The following BOLL variants were observed in gnomAD, a reference collection of about 807,000 sequenced individuals.
The protein encoded by BOLL is protein boule-like.
In BOLL, 23 loss-of-function variants were observed where a neutral mutation model predicts 44.4. That is an observed-to-expected ratio of 0.52 (90% CI 0.37 to 0.73). The LOEUF (loss-of-function observed/expected upper bound fraction) is 0.73. BOLL is among the 30% of genes least tolerant of loss of function. The probability of loss-of-function intolerance (pLI) is 0.00; values close to 1 mark genes in which losing one functional copy is unlikely to be tolerated. For synonymous variants in BOLL, 97 were observed against 110.8 expected (o/e 0.88, Z 0.78); for missense variants, 287 against 338.3 (o/e 0.85, Z 1.19).
intron 9 of BOLL, among the ~76,000 whole-genome samples, chr2:197,745,752 A>G (rs1687960187): frequency 6.6e-6 from 1 of 152,240 alleles, no homozygotes; most frequent in Non-Finnish European, 1.5e-5. Flanking sequence ...AAGTTGGACG[A>G]ACATAAGGGA....
At chr2:197,778,501 T>C (rs1035505091) in intron 3 of BOLL, among the ~76,000 whole-genome samples, 1 of 151,896 alleles carries the variant, frequency 6.6e-6, no homozygotes, top group Non-Finnish European at 1.5e-5. Context: ...TTATCATTGA[T>C]ATAGCAATTA....
chr2:197,765,633 A>C lies in BOLL; in HGVS notation c.552+899T>G, dbSNP rs115209931. 6.1e-3 allele frequency among the ~76,000 whole-genome samples: 921 copies of C among 152,078 alleles called. 16 individuals are homozygous for C. Among genetic ancestry groups the C allele is most frequent in the African/African-American group, 0.021 (861 of 41,530 alleles). ...TCAATGAAAAAAAATTAAAAAAAAAACACTACCAAGGATTAACTATCTCTT... is the reference window on the plus strand; with the variant it reads ...TCAATGAAAAAAAATTAAAAAAAAACCACTACCAAGGATTAACTATCTCTT... On this transcript the variant is annotated intron_variant, in intron 7 of 10. Transcript: ENST00000392296.
At chr2:197,779,395 G>T (rs1452791024) in intron 2 of BOLL, among the ~76,000 whole-genome samples, 3 of 151,988 alleles carry the variant, frequency 2.0e-5, no homozygotes, top group Non-Finnish European at 4.4e-5. Flanking sequence ...GATTAGGAAT[G>T]CTATTTCCAT....
intron 10 of BOLL, among the ~76,000 whole-genome samples, chr2:197,736,730 G>A (rs905147203): frequency 6.6e-6 from 1 of 152,092 alleles, no homozygotes; most frequent in African/African-American, 2.4e-5. Flanking sequence ...CTTGAGGCAT[G>A]ATGAATCCTT....
chr2:197,782,237 G>C (rs971493714), intron 1 of BOLL, among the ~76,000 whole-genome samples: 4 of 152,250 alleles, frequency 2.6e-5, no homozygotes, highest in African/African-American at 9.6e-5. Context: ...TTAGGAGTTG[G>C]CCTGGCACTC....
At chr2:197,778,833 A>ACACACACACAC in intron 3 of BOLL, 142 bp downstream of exon 3, 1 of 597,058 alleles carries the variant, frequency 1.7e-6, no homozygotes. Flanking sequence ...CACACACACA[A>ACACACACACAC]GGAAATCAAA....
chr2:197,780,253 T>G (rs1689705947), intron 2 of BOLL, among the ~76,000 whole-genome samples: 1 of 152,012 alleles, frequency 6.6e-6, no homozygotes, highest in South Asian at 2.1e-4. Context: ...AAATGAAAGG[T>G]TAAAAAGTCT....
At position 197,740,531 on chromosome 2, in the gene BOLL, C is replaced by T. The variant is rs544964086; in HGVS notation, c.828+2530G>A. Among the ~76,000 whole-genome samples the T allele has an allele frequency of 2.0e-5, 3 of 152,190 alleles. No individual in the cohort carries two copies. The South Asian group carries it at 6.2e-4, about 32-fold the overall frequency. On this transcript the variant is annotated intron_variant, in intron 10 of 10. Transcript: ENST00000392296. The stretch of plus-strand genomic sequence containing the variant: ...ACATGGGTATAACTGGATTATCATT[C>T]TTTGGCCTGAATCTGACTAAGGAGG...
chr2:197,760,815 G>A (rs897926148), intron 7 of BOLL, among the ~76,000 whole-genome samples: 2 of 151,938 alleles, frequency 1.3e-5, no homozygotes, highest in African/African-American at 4.8e-5. Flanking sequence ...AAGTCAAAGA[G>A]AAAGAAAGAA....
chr2:197,728,552 G>A lies in BOLL; in HGVS notation c.*3C>T, dbSNP rs201248479. On this transcript the variant is annotated 3_prime_UTR_variant, in exon 11 of 11. Coordinates refer to ENST00000392296, the MANE Select transcript of BOLL (RefSeq NM_033030.6). ...TGAGCTGGAATAGAGCTGCCCAATT[G>A]TCTTAATAATGAATGCTCCACACTG... The A allele has an allele frequency of 6.2e-7, 1 of 1,613,280 alleles. No homozygotes were observed.
intron 3 of BOLL, among the ~76,000 whole-genome samples, chr2:197,777,408 T>C (rs1244207019): frequency 6.6e-6 from 1 of 151,794 alleles, no homozygotes; most frequent in Non-Finnish European, 1.5e-5. Context: ...AAATTGGGGA[T>C]GCAATAAATT....
At chr2:197,742,555 A>G (rs1687795166) in intron 10 of BOLL, among the ~76,000 whole-genome samples, 1 of 152,122 alleles carries the variant, frequency 6.6e-6, no homozygotes, top group South Asian at 2.1e-4. Flanking sequence ...TCAGCAAACT[A>G]TTGCAAGGAC....
At chr2:197,778,494 T>C (rs981386278) in intron 3 of BOLL, among the ~76,000 whole-genome samples, 2 of 151,892 alleles carry the variant, frequency 1.3e-5, no homozygotes, top group African/African-American at 4.8e-5. Context: ...ATTTTCATTA[T>C]CATTGATATA....
At position 197,746,289 on chromosome 2, in the gene BOLL, C is replaced by T. The variant is rs563776428; in HGVS notation, c.730-3130G>A. Among the ~76,000 whole-genome samples, 5 of 152,238 alleles carry T rather than the reference C, an allele frequency of 3.3e-5. No homozygotes were observed. The South Asian group carries it at 8.3e-4, about 25-fold the overall frequency. On this transcript the variant is annotated intron_variant, in intron 9 of 10. Coordinates refer to ENST00000392296, the MANE Select transcript of BOLL (RefSeq NM_033030.6). ...ATCATGTGATCTAGAAATCCCACTA[C>T]TGTGTATACATATCCAAAGGAAATG...
chr2:197,766,612 G>T lies in BOLL; in HGVS notation c.481-9C>A, dbSNP rs1378513697. 1 of 1,606,330 alleles carries T rather than the reference G, an allele frequency of 6.2e-7. No individual in the cohort carries two copies. The highest frequency in any genetic ancestry group is 8.5e-7 in the Non-Finnish European group (1 of 1,175,682). On this transcript the variant is annotated splice_polypyrimidine_tract_variant and intron_variant, in intron 6 of 10. Transcript: ENST00000392296. ...CTACATACAGAACGTGACTATAAAA[G>T]GATGGAAAAAGAAAAATTAGGCAGA...
At chr2:197,748,235 T>A (rs1688073622) in intron 9 of BOLL, among the ~76,000 whole-genome samples, 1 of 152,190 alleles carries the variant, frequency 6.6e-6, no homozygotes, top group Non-Finnish European at 1.5e-5. Context: ...CTTTTGCACC[T>A]GCAGACCAGG....
chr2:197,751,436 GAC>G (rs1249732489), intron 9 of BOLL, among the ~76,000 whole-genome samples: 4 of 152,016 alleles, frequency 2.6e-5, no homozygotes, highest in Non-Finnish European at 1.5e-5. Context: ...GAATCAAATA[GAC>G]ACAGTAAAAA....
chr2:197,775,195 G>T lies in BOLL; in HGVS notation c.352+470C>A, dbSNP rs1294408111. ...TTTAGCCAATTCCTAAAGCTTTAGG[G>T]ATTGTCCCCCTGAAAATTATGACAC... On this transcript the variant is annotated intron_variant, in intron 5 of 10. Coordinates refer to ENST00000392296, the MANE Select transcript of BOLL (RefSeq NM_033030.6). Among the ~76,000 whole-genome samples, 3 of 151,752 alleles carry T rather than the reference G, an allele frequency of 2.0e-5. No homozygotes were observed. The East Asian group carries it at 5.8e-4, about 29-fold the overall frequency.
At position 197,785,204 on chromosome 2, in the gene BOLL, A is replaced by C; in HGVS notation, c.-164T>G. On this transcript the variant is annotated 5_prime_UTR_variant, in exon 1 of 11. Transcript: ENST00000392296. This position sits in a 1 kb window ranked among gnomAD's most constrained non-coding sequence, Gnocchi z 6.7. Reference sequence around the variant, plus strand: ...ACGAGGATCCACCCCCTCCCCACCAAAGTGCGGGAGGGAAAAGAAGGCTAG... The same window carrying C: ...ACGAGGATCCACCCCCTCCCCACCACAGTGCGGGAGGGAAAAGAAGGCTAG... 1 of 985,762 alleles carries C rather than the reference A, an allele frequency of 1.0e-6. No homozygotes were observed. The highest frequency in any genetic ancestry group is 1.2e-6 in the Non-Finnish European group (1 of 829,866). 61.1% of individuals were successfully genotyped at this position (985,762 alleles called of 1,614,324 possible). A position where few individuals can be genotyped will look rare whatever the true frequency, so the allele number is the denominator to read the frequency against.
Sources: allele counts gnomAD v4.1 joint callset (sites outside exome capture counted in the v4.1 genomes callset), GRCh38; gene constraint gnomAD v4.1.1; non-coding constraint Gnocchi (gnomAD v3.1); transcripts MANE v1.5; gene names NCBI Gene and HGNC (gene_info 2026-07-23, HGNC 2026-07-21).